Variants in ARNT2 observed in about 807,000 individuals in gnomAD.
ARNT2 encodes ARNT protein 2.
ARNT2 carries 36 observed loss-of-function variants against 91.7 expected under a neutral mutation model. The ratio of observed to expected loss-of-function variants is 0.39; its 90% CI spans 0.30 to 0.52. ARNT2 has a LOEUF of 0.52. Among genes scored for constraint, ARNT2 ranks in the 20% least tolerant of loss-of-function variants. The probability of loss-of-function intolerance (pLI) is 0.72; values close to 1 mark genes in which losing one functional copy is unlikely to be tolerated. For missense variants in ARNT2, 775 were observed against 939.3 expected (o/e 0.83, Z 2.29); for synonymous variants, 365 against 347.1 (o/e 1.05, Z -0.57).
chr15:80,558,915 T>C (rs1458881881), intron 11 of ARNT2, among the ~76,000 whole-genome samples: 1 of 152,230 alleles, frequency 6.6e-6, no homozygotes, highest in Non-Finnish European at 1.5e-5. Flanking sequence ...AATGGAGCTT[T>C]AACAGTGGTG....
Position 80,591,605 on chromosome 15 carries a change from G to T in ARNT2, c.1956G>T (p.Arg652=). The T allele has an allele frequency of 6.2e-7, 1 of 1,614,176 alleles. No individual in the cohort carries two copies. Among genetic ancestry groups the T allele is most frequent in the Non-Finnish European group, 8.5e-7 (1 of 1,180,030 alleles). The change falls in exon 18 of 19, where the codon CGG becomes CGT. Residue 652 remains arginine, a synonymous_variant. Transcript: ENST00000303329. This position sits in a 1 kb window ranked among gnomAD's most constrained non-coding sequence, Gnocchi z 5.1. ...SGQSSGQFQG[R]PSEVWSQWQS... The stretch of plus-strand genomic sequence containing the variant: ...AAAGTAGCGGGCAGTTCCAAGGGCG[G>T]CCCTCGGAAGTCTGGTCGCAGTGGC...
At chr15:80,478,382 A>G (rs139562833) in intron 5 of ARNT2, among the ~76,000 whole-genome samples, 29 of 152,340 alleles carry the variant, frequency 1.9e-4, no homozygotes, top group African/African-American at 6.5e-4. Context: ...TGAAGTCTGA[A>G]TGTGTCTGGG....
At position 80,490,466 on chromosome 15, in the gene ARNT2, T is replaced by C. The variant is rs537360224; in HGVS notation, c.622+15243T>C. Among the ~76,000 whole-genome samples, 23 of 152,368 alleles carry C rather than the reference T, an allele frequency of 1.5e-4. No individual in the cohort carries two copies. The East Asian group carries it at 4.0e-3, about 27-fold the overall frequency. ...AAATTGGTGCGTGAGATCCAGGGTA[T>C]CTGGGCGGGACATCCGCAGTGTCTA... is the stretch of plus-strand genomic sequence containing the variant. On this transcript the variant is annotated intron_variant, in intron 5 of 18. Transcript: ENST00000303329.
intron 5 of ARNT2, among the ~76,000 whole-genome samples, chr15:80,502,024 A>G (rs1897202902): frequency 6.6e-6 from 1 of 152,200 alleles, no homozygotes; most frequent in African/African-American, 2.4e-5. Context: ...GGGGCCTCTT[A>G]CAAAGCCAGC....
chr15:80,549,267 A>C (rs1229370938), intron 8 of ARNT2, among the ~76,000 whole-genome samples: 4 of 152,182 alleles, frequency 2.6e-5, no homozygotes, highest in Non-Finnish European at 4.4e-5. Context: ...TAAAACCATA[A>C]AAGTATCAGA....
intron 1 of ARNT2, among the ~76,000 whole-genome samples, chr15:80,445,470 C>T (rs540763222): frequency 6.3e-5 from 8 of 127,772 alleles, no homozygotes; most frequent in East Asian, 4.8e-4. Flanking sequence ...ATGTGAGTGA[C>T]GTGTGTGGGG....
intron 1 of ARNT2, among the ~76,000 whole-genome samples, chr15:80,430,126 C>T (rs527307741): frequency 6.6e-6 from 1 of 152,270 alleles, no homozygotes; most frequent in Admixed American, 6.5e-5. Context: ...AATGAGCACC[C>T]GCTTCCTGGT....
chr15:80,436,901 G>A (rs1161539041), intron 1 of ARNT2, among the ~76,000 whole-genome samples: 1 of 152,190 alleles, frequency 6.6e-6, no homozygotes, highest in African/African-American at 2.4e-5. Flanking sequence ...GTTAAACAGT[G>A]TTTAGAATCC....
At chr15:80,417,498 T>C (rs944640680) in intron 1 of ARNT2, among the ~76,000 whole-genome samples, 3 of 151,998 alleles carry the variant, frequency 2.0e-5, no homozygotes, top group Non-Finnish European at 4.4e-5. Flanking sequence ...GAATTCTCCC[T>C]CTCCTTCCCA....
chr15:80,556,682 A>G (rs1898196356), intron 11 of ARNT2: 1 of 152,342 alleles, frequency 6.6e-6, no homozygotes, highest in Non-Finnish European at 1.5e-5. Context: ...TGTGCCAAAC[A>G]TATGGGAAGC....
At chr15:80,439,213 A>G (rs1896146781) in intron 1 of ARNT2, among the ~76,000 whole-genome samples, 1 of 152,172 alleles carries the variant, frequency 6.6e-6, no homozygotes, top group Admixed American at 6.6e-5. Flanking sequence ...TACATTTGAA[A>G]GTGAACATGC....
chr15:80,410,759 T>C (rs1014919880), intron 1 of ARNT2, among the ~76,000 whole-genome samples: 5 of 694 alleles, frequency 7.2e-3, no homozygotes, highest in African/African-American at 0.028. Flanking sequence ...TTCATTTTTA[T>C]CTATCTATCT....
rs539637778 is a variant in ARNT2, at chr15:80,519,860, ATTT to A, written c.877+5472_877+5474del. On this transcript the variant is annotated intron_variant, in intron 8 of 18. Transcript: ENST00000303329. ...CCACCATGCCCGGCTAATTTTTTGT[ATTT>A]TTTTTTTTTTTTTTTTACTAGAGAT... Among the ~76,000 whole-genome samples the A allele has an allele frequency of 5.9e-5, 7 of 119,278 alleles. No individual in the cohort carries two copies. The East Asian group carries it at 7.5e-4, about 13-fold the overall frequency. 78.3% of individuals were successfully genotyped at this position (119,278 alleles called of 152,430 possible).
At chr15:80,538,282 A>G (rs1024934543) in intron 8 of ARNT2, among the ~76,000 whole-genome samples, 1 of 152,184 alleles carries the variant, frequency 6.6e-6, no homozygotes, top group African/African-American at 2.4e-5. Flanking sequence ...AGGATTATAT[A>G]ATATGGCCAA....
At chr15:80,580,153 T>C in intron 15 of ARNT2, 2 of 478,894 alleles carry the variant, frequency 4.2e-6, no homozygotes, top group Non-Finnish European at 7.7e-6. Context: ...TGGGAGACCC[T>C]GGGGAGAACG....
intron 18 of ARNT2, 100 bp from the exon 19 acceptor site, chr15:80,593,500 A>C: frequency 2.2e-5 from 20 of 896,224 alleles, no homozygotes; most frequent in Non-Finnish European, 3.4e-5. Flanking sequence ...CCCTTTAGGG[A>C]TGGCCATGAG....
chr15:80,524,881 A>C (rs1424853315), intron 8 of ARNT2, among the ~76,000 whole-genome samples: 2 of 152,106 alleles, frequency 1.3e-5, no homozygotes, highest in African/African-American at 4.8e-5. Context: ...TCTCAAAAAA[A>C]AAAAAAAAGA....
intron 15 of ARNT2, among the ~76,000 whole-genome samples, chr15:80,577,897 G>A (rs1468476175): frequency 6.6e-6 from 1 of 152,204 alleles, no homozygotes; most frequent in South Asian, 2.1e-4. Context: ...GCTCTGGGGA[G>A]CCCTGGCTGC....
At chr15:80,459,917 A>G (rs907784893) in intron 3 of ARNT2, among the ~76,000 whole-genome samples, 17 of 152,212 alleles carry the variant, frequency 1.1e-4, no homozygotes, top group Non-Finnish European at 4.4e-5. Flanking sequence ...CCATGGTTGC[A>G]TCTGAGCTTC....
Sources: gnomAD v4.1 joint callset for allele counts (sites outside exome capture counted in the v4.1 genomes callset) on GRCh38, gnomAD v4.1.1 for gene constraint, Gnocchi (gnomAD v3.1) non-coding constraint, MANE v1.5 for transcripts, NCBI Gene and HGNC (gene_info 2026-07-23, HGNC 2026-07-21) for gene names.